The following RFC5 variants were observed in gnomAD, a reference collection of about 807,000 sequenced individuals.
The protein encoded by RFC5 is replication factor C subunit 5.
RFC5 carries 26 observed loss-of-function variants against 44.3 expected under a neutral mutation model. That is an observed-to-expected ratio of 0.59 (90% CI 0.43 to 0.81). The LOEUF (loss-of-function observed/expected upper bound fraction) is 0.81. RFC5 is among the 40% of genes least tolerant of loss of function. The pLI is 0.00. For missense variants in RFC5, 328 were observed against 418.6 expected (o/e 0.78, Z 1.89); for synonymous variants, 155 against 155.2 (o/e 1.00, Z 0.01).
In RFC5 at chr12:118,019,607, GC is replaced by G; in HGVS notation, c.131-22del. On this transcript the variant is annotated intron_variant, in intron 2 of 10. Coordinates refer to ENST00000454402, the MANE Select transcript of RFC5 (RefSeq NM_007370.7). This position sits in a 1 kb window ranked among gnomAD's most constrained non-coding sequence, Gnocchi z 4.2. The stretch of plus-strand genomic sequence containing the variant: ...GAGGCAGCTCCCAAAGACTGATGGT[GC>G]CCTTCTTCCTTCCTGATCCTCAGTT... The G allele has an allele frequency of 2.5e-6, 4 of 1,613,782 alleles. No individual in the cohort carries two copies. Among genetic ancestry groups the G allele is most frequent in the Non-Finnish European group, 3.4e-6 (4 of 1,179,778 alleles).
the RFC5 span, among the ~76,000 whole-genome samples, chr12:118,041,041 T>A: frequency 1.3e-5 from 2 of 152,196 alleles, no homozygotes; most frequent in African/African-American, 4.8e-5. Flanking sequence ...ACAGTGAGAC[T>A]CCGTCTCAAG....
At chr12:118,038,192 G>A in the RFC5 span, 6 of 1,208,550 alleles carry the variant, frequency 5.0e-6, no homozygotes, top group African/African-American at 9.2e-5. Context: ...TATTGGGGTG[G>A]ATTTGCGGAC....
rs1420157755 is a variant in RFC5 at position 118,019,658 on chromosome 12, C to G, written c.157C>G (p.Leu53Val). Residue 53 changes from leucine (L) to valine (V), a missense_variant, in exon 3 of 11, where the codon CTG becomes GTG. Coordinates refer to ENST00000454402, the MANE Select transcript of RFC5 (RefSeq NM_007370.7). The surrounding 1 kb of genome is among the most constrained non-coding windows in gnomAD (Gnocchi z 4.2). Reference sequence around the variant, plus strand: ...TCAGAAGTTTATCAATGAAGACCGACTGCCACACTTGCTTCTCTACGGTCC... The same window carrying G: ...TCAGAAGTTTATCAATGAAGACCGAGTGCCACACTTGCTTCTCTACGGTCC... ...TIQKFINEDR[L>V]PHLLLYGPPG... 5 of 1,614,090 alleles carry G rather than the reference C, an allele frequency of 3.1e-6. No homozygotes were observed. Among genetic ancestry groups the G allele is most frequent in the Non-Finnish European group, 4.2e-6 (5 of 1,179,952 alleles).
chr12:118,037,701 A>T (rs903307572), downstream of RFC5, among the ~76,000 whole-genome samples: 1 of 151,920 alleles, frequency 6.6e-6, no homozygotes, highest in Non-Finnish European at 1.5e-5. Context: ...AAGAAAAGAA[A>T]ACCCTCCAAA....
chr12:118,040,029 A>T, the RFC5 span, among the ~76,000 whole-genome samples: 2 of 152,000 alleles, frequency 1.3e-5, no homozygotes, highest in African/African-American at 4.8e-5. Context: ...TAATATTTTT[A>T]AAAAGTTAGT....
At chr12:118,034,576 T>TCTCTCTCTCTCTCTCTCTCC, downstream of RFC5, 1 of 540,244 alleles carries the variant, frequency 1.9e-6, no homozygotes, top group Non-Finnish European at 3.2e-6. Context: ...ACCAAAGCGC[T>TCTCTCTCTCTCTCTCTCTCC]CTCTCTGTCT....
chr12:118,025,048 A>G (rs983778995), intron 6 of RFC5, 38 bp downstream of exon 6: 8 of 1,593,256 alleles, frequency 5.0e-6, no homozygotes, highest in Non-Finnish European at 6.8e-6. Flanking sequence ...GGAGTGTAGT[A>G]GAAACAGGCT....
Position 118,027,992 on chromosome 12 carries a change from A to G in RFC5, c.833A>G (p.His278Arg), listed in dbSNP as rs981767290. ...ELKTLKGLAL[H>R]DILTEIHLFV... The stretch of plus-strand genomic sequence containing the variant: ...AAAACTCTGAAGGGGTTGGCACTGC[A>G]TGATATCCTGACAGAGATACACTTG... The change falls in exon 9 of 11, where the codon CAT becomes CGT. Residue 278 changes from histidine (H) to arginine (R), a missense_variant. By Grantham distance (29) the His-to-Arg change is conservative. Coordinates refer to ENST00000454402, the MANE Select transcript of RFC5 (RefSeq NM_007370.7). 3.7e-6 allele frequency: 6 copies of G among 1,610,986 alleles called. No individual in the cohort carries two copies. The highest frequency in any genetic ancestry group is 2.7e-5 in the African/African-American group (2 of 74,838).
chr12:118,034,104 A>G (rs959679291), downstream of RFC5: 26 of 1,517,450 alleles, frequency 1.7e-5, no homozygotes, highest in African/African-American at 4.1e-5. Flanking sequence ...TGCTATTTCA[A>G]TGCAAGACCA....
chr12:118,033,716 C>G (rs189185249), downstream of RFC5: 1 of 154,182 alleles, frequency 6.5e-6, no homozygotes, highest in African/African-American at 2.4e-5. Flanking sequence ...TGGCCAACAT[C>G]GAAGCAACTC....
At position 118,032,215 on chromosome 12, in the gene RFC5, T is replaced by C. The variant is rs1251378932; in HGVS notation, c.*937T>C. On this transcript the variant is annotated 3_prime_UTR_variant, in exon 11 of 11. Transcript: ENST00000454402. ...GTCTCTAATATCACAGAATAAACTT[T>C]CTTTAGATGCTGTTCTTTATAAAAT... 6.6e-6 allele frequency: 1 copy of C among 152,250 alleles called. No homozygotes were observed. Among genetic ancestry groups the C allele is most frequent in the Non-Finnish European group, 1.5e-5 (1 of 68,044 alleles). 9.4% of individuals were successfully genotyped at this position (152,250 alleles called of 1,614,324 possible). A position where few individuals can be genotyped will look rare whatever the true frequency, so the allele number is the denominator to read the frequency against.
the RFC5 span, among the ~76,000 whole-genome samples, chr12:118,040,799 G>A: frequency 6.6e-6 from 1 of 152,180 alleles, no homozygotes; most frequent in Non-Finnish European, 1.5e-5. Flanking sequence ...TGTAATCCCA[G>A]CACTTTAGGA....
At chr12:118,030,762 C>CT (rs1390246239) in intron 10 of RFC5, among the ~76,000 whole-genome samples, 1 of 152,184 alleles carries the variant, frequency 6.6e-6, no homozygotes, top group Non-Finnish European at 1.5e-5. Flanking sequence ...CCTCAGCCTC[C>CT]TGAGGAGCTG....
At chr12:118,024,029 T>C (rs1331608191) in intron 5 of RFC5, among the ~76,000 whole-genome samples, 1 of 151,820 alleles carries the variant, frequency 6.6e-6, no homozygotes, top group African/African-American at 2.4e-5. Flanking sequence ...CCAGCCTGGC[T>C]AACCGATGAA....
At chr12:118,029,590 T>C (rs1295155356) in intron 9 of RFC5, among the ~76,000 whole-genome samples, 181 bp from the exon 10 acceptor site, 2 of 152,000 alleles carry the variant, frequency 1.3e-5, no homozygotes, top group African/African-American at 4.8e-5. Context: ...CAAAATCGAG[T>C]GGGTAAAAAG....
At chr12:118,022,962 G>C (rs1003438146) in intron 5 of RFC5, among the ~76,000 whole-genome samples, 1 of 152,154 alleles carries the variant, frequency 6.6e-6, no homozygotes, top group African/African-American at 2.4e-5. Context: ...TTTAAGTCTG[G>C]CCAGTCACTG....
At chr12:118,034,663 A>C (rs749061550), downstream of RFC5, 2 of 492,832 alleles carry the variant, frequency 4.1e-6, no homozygotes, top group Non-Finnish European at 7.2e-6. Flanking sequence ...CACCTACTGA[A>C]TTATAGATGT....
the RFC5 span, chr12:118,038,249 A>G: frequency 3.2e-6 from 5 of 1,585,522 alleles, no homozygotes; most frequent in African/African-American, 4.0e-5. Flanking sequence ...TCAGACCTCC[A>G]TGTCTCAGTG....
downstream of RFC5, chr12:118,036,397 A>G (rs1456173099): frequency 6.2e-7 from 1 of 1,614,124 alleles, no homozygotes; most frequent in Non-Finnish European, 8.5e-7. Flanking sequence ...TGGTATCGTA[A>G]GAAGCCGTGA....
Sources: allele counts gnomAD v4.1 joint callset (sites outside exome capture counted in the v4.1 genomes callset), GRCh38; gene constraint gnomAD v4.1.1; non-coding constraint Gnocchi (gnomAD v3.1); transcripts MANE v1.5; gene names NCBI Gene and HGNC (gene_info 2026-07-23, HGNC 2026-07-21).